Variants in KIAA0930 observed in about 807,000 individuals in gnomAD.
KIAA0930 encodes KIAA0930.
Under a neutral mutation model 43.9 loss-of-function variants are expected in KIAA0930, and 24 were observed. The ratio of observed to expected loss-of-function variants is 0.55; its 90% CI spans 0.40 to 0.77. The LOEUF is 0.77. KIAA0930 is among the 30% of genes least tolerant of loss of function. The pLI is 0.00. For missense variants in KIAA0930, 461 were observed against 574.2 expected, an observed-to-expected ratio of 0.80 and a Z score of 2.02; for synonymous variants, 259 against 216.4, an observed-to-expected ratio of 1.20 and a Z score of -1.73.
intron 1 of KIAA0930, among the ~76,000 whole-genome samples, chr22:45,233,542 A>G (rs2083867547): frequency 6.6e-6 from 1 of 152,160 alleles, no homozygotes; most frequent in Admixed American, 6.5e-5. Flanking sequence ...GGGAAATCAC[A>G]TCCAGTCAAA....
intron 3 of KIAA0930, 23 bp downstream of exon 3, chr22:45,205,770 G>GCGCCCCCCC: frequency 2.6e-6 from 4 of 1,523,776 alleles, no homozygotes; most frequent in Non-Finnish European, 3.6e-6. Flanking sequence ...CCAATCCGCA[G>GCGCCCCCCC]CCCCACCCAT....
intron 2 of KIAA0930, among the ~76,000 whole-genome samples, chr22:45,210,230 C>T (rs1380138084): frequency 6.6e-6 from 1 of 152,136 alleles, no homozygotes; most frequent in Non-Finnish European, 1.5e-5. Flanking sequence ...TTCTCTGCAA[C>T]CTGAACTCCA....
At chr22:45,235,224 G>A (rs1035548120) in intron 1 of KIAA0930, 1 of 152,328 alleles carries the variant, frequency 6.6e-6, no homozygotes, top group South Asian at 2.1e-4. Context: ...CAAGGCCCCT[G>A]AGCAGGGCAG....
chr22:45,224,833 A>G (rs2083788910), intron 1 of KIAA0930, among the ~76,000 whole-genome samples: 2 of 152,070 alleles, frequency 1.3e-5, no homozygotes, highest in Admixed American at 1.3e-4. Context: ...GTAGAGTGGG[A>G]AGAAGAGCTG....
chr22:45,212,858 G>A (rs544401120), intron 1 of KIAA0930, among the ~76,000 whole-genome samples: 3 of 152,192 alleles, frequency 2.0e-5, no homozygotes, highest in Non-Finnish European at 4.4e-5. Context: ...CAGGTTCCTC[G>A]GGGCACATGC....
rs1182833280 is a variant in KIAA0930 at position 45,211,982 on chromosome 22, T to G, written c.190A>C (p.Ser64Arg). 6.2e-7 allele frequency: 1 copy of G among 1,612,664 alleles called. No individual in the cohort carries two copies. The highest frequency in any genetic ancestry group is 8.5e-7 in the Non-Finnish European group (1 of 1,180,010). ...YVRRKLAYSG[S>R]ESGADGRKAA... ...TTCCTCCCGTCTGCACCGCTTTCGC[T>G]GCCGGAGTACGCCAGCTTCCGGCGC... Residue 64 changes from serine (S) to arginine (R), a missense_variant, in exon 2 of 10, where the codon AGC (serine) becomes CGC (arginine). Coordinates refer to ENST00000336156, the MANE Select transcript of KIAA0930 (RefSeq NM_001009880.2).
At chr22:45,237,877 A>C (rs2083896329) in intron 1 of KIAA0930, among the ~76,000 whole-genome samples, 1 of 151,268 alleles carries the variant, frequency 6.6e-6, no homozygotes, top group Middle Eastern at 3.2e-3. Context: ...GTTCCTAGTA[A>C]GCTCACCCCT....
chr22:45,197,300 G>A, intron 9 of KIAA0930, 84 bp from the exon 10 acceptor site: 1 of 1,274,286 alleles, frequency 7.8e-7, no homozygotes, highest in Non-Finnish European at 1.1e-6. Flanking sequence ...CACTTCTGAA[G>A]GAAGCCCGCC....
intron 7 of KIAA0930, among the ~76,000 whole-genome samples, chr22:45,200,391 C>A (rs763880270): frequency 6.6e-6 from 1 of 152,198 alleles, no homozygotes; most frequent in East Asian, 1.9e-4. Context: ...TGGCCCCACA[C>A]ACAGACCCTC....
In KIAA0930 at chr22:45,226,060, C is replaced by G. The variant is rs73434187; in HGVS notation, c.65-13953G>C. ...GGGGCCCAGCGCAGGGCAGTATCCACCACAGAGAGCCAGTGAACGACAAGA... is the reference window on the plus strand; with the variant it reads ...GGGGCCCAGCGCAGGGCAGTATCCAGCACAGAGAGCCAGTGAACGACAAGA... On this transcript the variant is annotated intron_variant, in intron 1 of 9. Coordinates refer to ENST00000336156, the MANE Select transcript of KIAA0930 (RefSeq NM_001009880.2). 2.3e-3 allele frequency: 812 copies of G among 357,352 alleles called. 6 individuals are homozygous for G. The highest frequency in any genetic ancestry group is 0.016 in the African/African-American group (752 of 46,908). The allele number at this position is 357,352 out of a possible 1,614,324, so 22.1% of individuals were successfully genotyped here. A position where few individuals can be genotyped will look rare whatever the true frequency, so the allele number is the denominator to read the frequency against.
At chr22:45,211,821 T>C (rs1030934984) in intron 2 of KIAA0930, 135 bp downstream of exon 2, 3 of 880,528 alleles carry the variant, frequency 3.4e-6, no homozygotes, top group South Asian at 1.6e-5. Context: ...TGGAATACAG[T>C]AGGTGCTCAA....
At chr22:45,227,401 G>A (rs568696733) in intron 1 of KIAA0930, among the ~76,000 whole-genome samples, 95 of 152,136 alleles carry the variant, frequency 6.2e-4, no homozygotes, top group Middle Eastern at 3.4e-3. Flanking sequence ...GCTCTGCCTC[G>A]TACACTATGC....
intron 1 of KIAA0930, among the ~76,000 whole-genome samples, chr22:45,217,720 A>C (rs2083742434): frequency 6.6e-6 from 1 of 152,210 alleles, no homozygotes; most frequent in African/African-American, 2.4e-5. Flanking sequence ...CATTAACCCG[A>C]AAGTGCCATG....
intron 2 of KIAA0930, among the ~76,000 whole-genome samples, chr22:45,208,815 G>A (rs1013982481): frequency 5.9e-5 from 9 of 152,234 alleles, no homozygotes; most frequent in African/African-American, 9.6e-5. Context: ...GTGACCCCAG[G>A]AAGCTTCCTC....
intron 8 of KIAA0930, among the ~76,000 whole-genome samples, chr22:45,198,331 G>A (rs1041174362): frequency 3.9e-5 from 6 of 152,238 alleles, no homozygotes; most frequent in South Asian, 4.1e-4. Flanking sequence ...AGGCTGAGCC[G>A]ACCTGCACCA....
intron 1 of KIAA0930, among the ~76,000 whole-genome samples, chr22:45,234,145 C>T (rs147820919): frequency 1.5e-3 from 234 of 152,324 alleles, no homozygotes; most frequent in African/African-American, 5.3e-3. Context: ...GCAAACGTCT[C>T]TGTTGTCTCT....
chr22:45,207,889 G>A (rs2083653129), intron 2 of KIAA0930: 1 of 169,068 alleles, frequency 5.9e-6, no homozygotes, highest in Non-Finnish European at 1.5e-5. Flanking sequence ...GAGCCCCTGA[G>A]CTGAGAGTCC....
At chr22:45,219,578 GA>G (rs1353042163) in intron 1 of KIAA0930, among the ~76,000 whole-genome samples, 15 of 128,530 alleles carry the variant, frequency 1.2e-4, no homozygotes, top group Admixed American at 3.3e-4. Flanking sequence ...GCCAAGAGGT[GA>G]TTGTTTTTTT....
At chr22:45,215,803 C>A (rs1485684777) in intron 1 of KIAA0930, among the ~76,000 whole-genome samples, 5 of 152,008 alleles carry the variant, frequency 3.3e-5, no homozygotes, top group Non-Finnish European at 7.4e-5. Context: ...TTTTTTTTTA[C>A]TTAATATTTT....
Sources: gnomAD v4.1 joint callset for allele counts (sites outside exome capture counted in the v4.1 genomes callset) on GRCh38, gnomAD v4.1.1 for gene constraint, MANE v1.5 for transcripts, NCBI Gene and HGNC (gene_info 2026-07-23, HGNC 2026-07-21) for gene names.